Variants in NTM observed in about 807,000 individuals in gnomAD.
The protein encoded by NTM is IgLON family member 2.
A neutral mutation model predicts 42.1 loss-of-function variants in NTM; 13 were observed. That is an observed-to-expected ratio of 0.31 (90% CI 0.20 to 0.49). The LOEUF is 0.49. NTM is among the 20% of genes least tolerant of loss of function. The pLI is 0.99. For synonymous variants in NTM, 187 were observed against 179.2 expected, an observed-to-expected ratio of 1.04 and a Z score of -0.35; for missense variants, 373 against 452.8, an observed-to-expected ratio of 0.82 and a Z score of 1.60.
intron 1 of NTM, among the ~76,000 whole-genome samples, chr11:131,714,530 C>CG (rs1272521217): frequency 6.6e-6 from 1 of 152,110 alleles, no homozygotes; most frequent in Non-Finnish European, 1.5e-5. Context: ...CATTCCCTGG[C>CG]GCTGGCTGAA....
Position 132,212,253 on chromosome 11 carries a change from T to G in NTM, c.526+106T>G, listed in dbSNP as rs1180316117. The stretch of plus-strand genomic sequence containing the variant: ...ATACCTACTCCAGAGGAGTCTACGT[T>G]TTTGGTGGCTTGATGGTAATCTACT... On this transcript the variant is annotated intron_variant, in intron 4 of 8. Transcript: ENST00000683400. 7 of 846,662 alleles carry G rather than the reference T, an allele frequency of 8.3e-6. No individual in the cohort carries two copies. The South Asian group carries it at 8.4e-5, about 10-fold the overall frequency. 52.4% of individuals were successfully genotyped at this position (846,662 alleles called of 1,614,324 possible).
At chr11:131,595,076 T>G (rs2059700990) in intron 1 of NTM, among the ~76,000 whole-genome samples, 1 of 152,154 alleles carries the variant, frequency 6.6e-6, no homozygotes, top group South Asian at 2.1e-4. Context: ...CGTCTTTAAT[T>G]AAGGGGGAAT....
chr11:131,941,507 C>T (rs888252267), intron 2 of NTM, among the ~76,000 whole-genome samples: 1 of 152,160 alleles, frequency 6.6e-6, no homozygotes, highest in African/African-American at 2.4e-5. Context: ...AGCATTTCCT[C>T]ATATTCTCTG....
intron 7 of NTM, among the ~76,000 whole-genome samples, chr11:132,322,232 A>G (rs1250479108): frequency 2.6e-5 from 4 of 152,176 alleles, no homozygotes; most frequent in Admixed American, 1.3e-4. Flanking sequence ...ACACAGACTG[A>G]CAAATTGGAT....
intron 2 of NTM, among the ~76,000 whole-genome samples, chr11:132,072,287 A>G (rs1342693505): frequency 1.3e-5 from 2 of 152,208 alleles, no homozygotes; most frequent in Non-Finnish European, 2.9e-5. Flanking sequence ...GGATATGACA[A>G]GCCTCTTTAG....
At chr11:131,873,696 C>CACACATATATATACACACAT (rs1565658540) in intron 1 of NTM, among the ~76,000 whole-genome samples, 42 of 124,490 alleles carry the variant, frequency 3.4e-4, no homozygotes, top group African/African-American at 1.4e-3. Context: ...TATATACACA[C>CACACATATATATACACACAT]ATATATATAT....
rs551217402 is a variant in NTM at position 131,660,871 on chromosome 11, T to C, written c.83-250693T>C. ...TTTCAAAGTCGGAAGCTGGCCTTGA[T>C]TTCAAAGAACTTGTGTGTAATGTGA... On this transcript the variant is annotated intron_variant, in intron 1 of 8. Transcript: ENST00000683400. The C allele has an allele frequency of 7.3e-6, 9 of 1,238,704 alleles. No homozygotes were observed. In the African/African-American group the frequency reaches 1.4e-4, roughly 20 times the overall value. 76.7% of individuals were successfully genotyped at this position (1,238,704 alleles called of 1,614,324 possible). A position where few individuals can be genotyped will look rare whatever the true frequency, so the allele number is the denominator to read the frequency against.
intron 1 of NTM, among the ~76,000 whole-genome samples, chr11:131,467,299 C>T (rs1404247045): frequency 6.6e-6 from 1 of 152,114 alleles, no homozygotes; most frequent in African/African-American, 2.4e-5. Context: ...CATGCCCTTG[C>T]CTGTCTGCAT....
chr11:132,055,811 G>C (rs764216899), intron 2 of NTM, among the ~76,000 whole-genome samples: 11 of 152,188 alleles, frequency 7.2e-5, no homozygotes, highest in Non-Finnish European at 1.5e-4. Context: ...CTTGGGCCCT[G>C]TGCCTCTCTG....
At chr11:131,408,774 T>C (rs1027554586) in intron 1 of NTM, among the ~76,000 whole-genome samples, 3 of 152,222 alleles carry the variant, frequency 2.0e-5, no homozygotes, top group Admixed American at 6.5e-5. Context: ...ACTCCTGCCC[T>C]GCAGACATCA....
At chr11:132,024,240 C>T (rs693599) in intron 2 of NTM, among the ~76,000 whole-genome samples, 2,664 of 152,086 alleles carry the variant, frequency 0.018, 29 homozygotes, top group Non-Finnish European at 0.025. Flanking sequence ...GTGCCTTTAC[C>T]GTCAGCTTGT....
chr11:132,093,635 C>A (rs952654859), intron 2 of NTM, among the ~76,000 whole-genome samples: 1 of 152,132 alleles, frequency 6.6e-6, no homozygotes, highest in African/African-American at 2.4e-5. Context: ...TCTATCAGAG[C>A]AATTTCTTTC....
chr11:132,078,977 G>C (rs1333681700), intron 2 of NTM, among the ~76,000 whole-genome samples: 1 of 152,184 alleles, frequency 6.6e-6, no homozygotes, highest in Non-Finnish European at 1.5e-5. Flanking sequence ...ATTTTGCAGA[G>C]ATGCACACTT....
At chr11:131,374,697 T>C (rs909414411) in intron 1 of NTM, among the ~76,000 whole-genome samples, 1 of 152,170 alleles carries the variant, frequency 6.6e-6, no homozygotes, top group African/African-American at 2.4e-5. Context: ...TAGTGGCTCC[T>C]TTTCTTGATG....
chr11:131,678,846 G>A (rs879389673), intron 1 of NTM, among the ~76,000 whole-genome samples: 14 of 152,142 alleles, frequency 9.2e-5, no homozygotes, highest in Non-Finnish European at 1.9e-4. Context: ...AAGGCTGTCC[G>A]GGACGGGGCC....
intron 4 of NTM, among the ~76,000 whole-genome samples, chr11:132,282,818 ATTAAC>A (rs1384860045): frequency 1.2e-4 from 19 of 152,298 alleles, no homozygotes; most frequent in East Asian, 9.6e-4. Context: ...ATTAATAGGC[ATTAAC>A]TTAACTTCTT....
intron 7 of NTM, among the ~76,000 whole-genome samples, chr11:132,320,854 G>T (rs1235363006): frequency 6.6e-6 from 1 of 151,660 alleles, no homozygotes; most frequent in Non-Finnish European, 1.5e-5. Context: ...GCCTCCTCAA[G>T]TGGGTCCCTG....
intron 1 of NTM, among the ~76,000 whole-genome samples, chr11:131,635,989 G>A (rs1370196322): frequency 2.0e-5 from 3 of 152,234 alleles, no homozygotes; most frequent in South Asian, 2.1e-4. Flanking sequence ...GGACCCCTAC[G>A]CTCCACGGTC....
chr11:132,261,714 C>T (rs1416801219), intron 4 of NTM, among the ~76,000 whole-genome samples: 1 of 152,144 alleles, frequency 6.6e-6, no homozygotes, highest in Admixed American at 6.5e-5. Flanking sequence ...TTGCAGGTTT[C>T]AGTAGAATAG....
Sources: gnomAD v4.1 joint callset for allele counts (sites outside exome capture counted in the v4.1 genomes callset) on GRCh38, gnomAD v4.1.1 for gene constraint, MANE v1.5 for transcripts, NCBI Gene and HGNC (gene_info 2026-07-23, HGNC 2026-07-21) for gene names.